Variants in PRKCA observed in about 807,000 individuals in gnomAD.
The protein encoded by PRKCA is protein kinase C alpha.
A neutral mutation model predicts 87.0 loss-of-function variants in PRKCA; 27 were observed. The observed-to-expected ratio is 0.31, with a 90% CI of 0.23 to 0.43. The LOEUF (loss-of-function observed/expected upper bound fraction) is 0.43. PRKCA is among the 20% of genes least tolerant of loss of function. The probability of loss-of-function intolerance (pLI) is 1.00; values close to 1 mark genes in which losing one functional copy is unlikely to be tolerated. For missense variants in PRKCA, 518 were observed against 852.3 expected (o/e 0.61, Z 4.88); for synonymous variants, 329 against 311.1 (o/e 1.06, Z -0.61).
intron 3 of PRKCA, among the ~76,000 whole-genome samples, chr17:66,545,289 C>T (rs542117710): frequency 1.6e-4 from 25 of 152,222 alleles, no homozygotes; most frequent in South Asian, 4.1e-4. Context: ...ATTAGCCAGG[C>T]GTGGTGGCGG....
chr17:66,563,697 A>G (rs999622782), intron 3 of PRKCA, among the ~76,000 whole-genome samples: 4 of 152,172 alleles, frequency 2.6e-5, no homozygotes, highest in African/African-American at 9.7e-5. Context: ...CTTAGTCTGA[A>G]TACTCCAGAC....
chr17:66,633,160 G>A (rs568307314), intron 3 of PRKCA, among the ~76,000 whole-genome samples: 27 of 152,186 alleles, frequency 1.8e-4, no homozygotes, highest in Non-Finnish European at 3.7e-4. Flanking sequence ...AAGGGGCATG[G>A]CAGCTTTACT....
chr17:66,385,331 A>G (rs960367084), intron 2 of PRKCA, among the ~76,000 whole-genome samples: 1 of 152,190 alleles, frequency 6.6e-6, no homozygotes, highest in Non-Finnish European at 1.5e-5. Flanking sequence ...GAATTCGAAG[A>G]CAGTTTACTT....
At chr17:66,343,680 G>T (rs970159186) in intron 2 of PRKCA, among the ~76,000 whole-genome samples, 1 of 152,070 alleles carries the variant, frequency 6.6e-6, no homozygotes, top group Non-Finnish European at 1.5e-5. Context: ...CTTGAAAAAT[G>T]GACTAGACTT....
intron 3 of PRKCA, among the ~76,000 whole-genome samples, chr17:66,611,468 C>T (rs990065699): frequency 1.3e-5 from 2 of 152,112 alleles, no homozygotes; most frequent in African/African-American, 4.8e-5. Flanking sequence ...TAACTGGCTT[C>T]TTGTATTGTG....
At chr17:66,386,403 T>G (rs1292810629) in intron 2 of PRKCA, among the ~76,000 whole-genome samples, 1 of 152,250 alleles carries the variant, frequency 6.6e-6, no homozygotes, top group Non-Finnish European at 1.5e-5. Context: ...GAATATCCTT[T>G]GACTGCCTGG....
chr17:66,302,720 G>A lies in PRKCA; in HGVS notation c.-132G>A. ...GGCCCCCGCCGCGCCCCCTCGCCGC[G>A]ACCTCGGCCACCGGCCCGCGCCCCG... On this transcript the variant is annotated 5_prime_UTR_variant, in exon 1 of 17. Coordinates refer to ENST00000413366, the MANE Select transcript of PRKCA (RefSeq NM_002737.3). 1 of 523,454 alleles carries A rather than the reference G, an allele frequency of 1.9e-6. No homozygotes were observed. The highest frequency in any genetic ancestry group is 2.5e-6 in the Non-Finnish European group (1 of 407,154). The allele number at this position is 523,454 out of a possible 1,614,324, so 32.4% of individuals were successfully genotyped here.
intron 2 of PRKCA, among the ~76,000 whole-genome samples, chr17:66,371,674 G>A (rs1181738029): frequency 3.3e-5 from 5 of 152,226 alleles, no homozygotes; most frequent in Admixed American, 6.5e-5. Context: ...AATAGGGCCT[G>A]GCATAAAGCG....
intron 4 of PRKCA, among the ~76,000 whole-genome samples, chr17:66,642,409 G>C (rs947768402): frequency 6.6e-6 from 1 of 152,110 alleles, no homozygotes; most frequent in African/African-American, 2.4e-5. Flanking sequence ...GATTATAGGG[G>C]TGAGTCACCG....
At chr17:66,408,467 T>G (rs1180503155) in intron 2 of PRKCA, among the ~76,000 whole-genome samples, 1 of 152,232 alleles carries the variant, frequency 6.6e-6, no homozygotes, top group Non-Finnish European at 1.5e-5. Flanking sequence ...CCATGTCAAC[T>G]AATTTGAATC....
At chr17:66,687,713 A>G (rs1159393739) in intron 6 of PRKCA, among the ~76,000 whole-genome samples, 3 of 152,170 alleles carry the variant, frequency 2.0e-5, no homozygotes, top group Non-Finnish European at 2.9e-5. Flanking sequence ...CTTGCCTTCA[A>G]AGAGAGAAGA....
chr17:66,358,887 T>C (rs551912047), intron 2 of PRKCA, among the ~76,000 whole-genome samples: 1 of 151,796 alleles, frequency 6.6e-6, no homozygotes, highest in African/African-American at 2.4e-5. Flanking sequence ...CTTTGAGGAG[T>C]TGGAAATAAA....
chr17:66,688,854 C>T, intron 7 of PRKCA, 97 bp from the exon 8 acceptor site: 1 of 745,074 alleles, frequency 1.3e-6, no homozygotes, highest in Middle Eastern at 2.4e-4. Flanking sequence ...GCTGTAGCCT[C>T]TCCGTAGGAT....
intron 16 of PRKCA, among the ~76,000 whole-genome samples, chr17:66,800,281 T>C (rs1354264524): frequency 6.6e-6 from 1 of 152,224 alleles, no homozygotes; most frequent in African/African-American, 2.4e-5. Context: ...CAGTGAGCAG[T>C]TTTGAGACCA....
chr17:66,463,642 G>GC (rs1914958045), intron 2 of PRKCA, among the ~76,000 whole-genome samples: 1 of 152,130 alleles, frequency 6.6e-6, no homozygotes, highest in Non-Finnish European at 1.5e-5. Context: ...TGATCTGCCT[G>GC]CCTTGGCCTC....
intron 2 of PRKCA, among the ~76,000 whole-genome samples, chr17:66,487,696 T>G (rs886795220): frequency 1.3e-5 from 2 of 152,214 alleles, no homozygotes; most frequent in African/African-American, 4.8e-5. Context: ...TTTTTTGTCC[T>G]TTTGATAATA....
At chr17:66,519,622 G>A (rs560782735) in intron 3 of PRKCA, among the ~76,000 whole-genome samples, 1 of 152,296 alleles carries the variant, frequency 6.6e-6, no homozygotes, top group South Asian at 2.1e-4. Context: ...ACAGGATCTT[G>A]AAGCGCCTGG....
chr17:66,523,271 TC>T (rs1192051002), intron 3 of PRKCA, among the ~76,000 whole-genome samples: 1 of 151,982 alleles, frequency 6.6e-6, no homozygotes, highest in Non-Finnish European at 1.5e-5. Context: ...CAAAATGCAT[TC>T]CCCCAGTTCC....
At chr17:66,309,304 C>T (rs1904976675) in intron 2 of PRKCA, among the ~76,000 whole-genome samples, 1 of 152,010 alleles carries the variant, frequency 6.6e-6, no homozygotes, top group African/African-American at 2.4e-5. Flanking sequence ...TAATTTATGC[C>T]ATTTAGAGAA....
Sources: gnomAD v4.1 joint callset for allele counts (sites outside exome capture counted in the v4.1 genomes callset) on GRCh38, gnomAD v4.1.1 for gene constraint, MANE v1.5 for transcripts, NCBI Gene and HGNC (gene_info 2026-07-23, HGNC 2026-07-21) for gene names.